Variants in FARS2 observed in about 807,000 individuals in gnomAD.
FARS2 encodes the protein phenylalanine--tRNA ligase, mitochondrial.
FARS2 carries 40 observed loss-of-function variants against 46.4 expected under a neutral mutation model. The ratio of observed to expected loss-of-function variants is 0.86; its 90% confidence interval spans 0.67 to 1.12. The LOEUF (loss-of-function observed/expected upper bound fraction) is 1.12. FARS2 is among the 50% of genes most tolerant of loss of function. FARS2 has a pLI of 0.00. For synonymous variants in FARS2, 234 were observed against 214.9 expected, an observed-to-expected ratio of 1.09 and a Z score of -0.78; for missense variants, 513 against 567.9, an observed-to-expected ratio of 0.90 and a Z score of 0.98.
rs190804005 is a variant in FARS2, at chr6:5,438,066, A to C, written c.904+6894A>C. Among the ~76,000 whole-genome samples, 349 of 152,040 alleles carry C rather than the reference A, an allele frequency of 2.3e-3. 1 individual carries two copies. Among genetic ancestry groups the C allele is most frequent in the African/African-American group, 7.9e-3 (327 of 41,502 alleles). Reference sequence around the variant, plus strand: ...ATGGATTTTTATTTTTTTTCTCAGCAACTTAAAGATGTTGATCCATTGTCT... The same window carrying C: ...ATGGATTTTTATTTTTTTTCTCAGCCACTTAAAGATGTTGATCCATTGTCT... On this transcript the variant is annotated intron_variant, in intron 4 of 6. Coordinates refer to ENST00000274680, the MANE Select transcript of FARS2 (RefSeq NM_006567.5).
At chr6:5,369,329 G>C in intron 2 of FARS2, 147 bp downstream of exon 2, 2 of 756,868 alleles carry the variant, frequency 2.6e-6, no homozygotes. Context: ...ATGACATCTT[G>C]TGTATAGGTG....
At chr6:5,561,137 A>G (rs1771956274) in intron 5 of FARS2, among the ~76,000 whole-genome samples, 1 of 152,194 alleles carries the variant, frequency 6.6e-6, no homozygotes, top group African/African-American at 2.4e-5. Context: ...TCTCAAAAAC[A>G]AAAACAAACA....
chr6:5,628,868 C>T (rs1160851772), intron 6 of FARS2, among the ~76,000 whole-genome samples: 1 of 152,170 alleles, frequency 6.6e-6, no homozygotes, highest in East Asian at 1.9e-4. Flanking sequence ...ACTGCCATCA[C>T]CTGAGATCAA....
chr6:5,322,574 T>C (rs766339245), intron 1 of FARS2, among the ~76,000 whole-genome samples: 1 of 152,314 alleles, frequency 6.6e-6, no homozygotes, highest in Middle Eastern at 3.4e-3. Context: ...TTTTCTTTTT[T>C]TGGTTTGTTT....
chr6:5,407,293 C>T (rs937491717), intron 3 of FARS2, among the ~76,000 whole-genome samples: 1 of 151,784 alleles, frequency 6.6e-6, no homozygotes, highest in African/African-American at 2.4e-5. Context: ...CTTGATTCAC[C>T]TCTATTTTTT....
chr6:5,512,456 G>A (rs1768516571), intron 4 of FARS2, among the ~76,000 whole-genome samples: 1 of 152,110 alleles, frequency 6.6e-6, no homozygotes, highest in African/African-American at 2.4e-5. Context: ...CATTGTTCAT[G>A]TTCCTGAAGG....
At position 5,663,398 on chromosome 6, in the gene FARS2, C is replaced by T. The variant is rs113691134; in HGVS notation, c.1217+50078C>T. ...TATCTGTTTGGATGGAATCATTTGC[C>T]GTAAAGATCTGGCATTATTCAAAGC... On this transcript the variant is annotated intron_variant, in intron 6 of 6. Coordinates refer to ENST00000274680, the MANE Select transcript of FARS2 (RefSeq NM_006567.5). 2.3e-3 allele frequency among the ~76,000 whole-genome samples: 354 copies of T among 152,272 alleles called. 2 individuals are homozygous for T. The highest frequency in any genetic ancestry group is 3.8e-3 in the Non-Finnish European group (256 of 68,026).
chr6:5,260,618 G>GC (rs1012013938), upstream of FARS2: 2 of 677,718 alleles, frequency 3.0e-6, no homozygotes, highest in South Asian at 2.2e-5. Flanking sequence ...CTGGCCCCCC[G>GC]CCCCCGGCCC....
At chr6:5,330,700 G>A (rs73367014) in intron 1 of FARS2, among the ~76,000 whole-genome samples, 122 of 152,224 alleles carry the variant, frequency 8.0e-4, no homozygotes, top group African/African-American at 2.8e-3. Context: ...AGATATATTC[G>A]TTCACTCTTC....
intron 1 of FARS2, among the ~76,000 whole-genome samples, chr6:5,269,195 G>T (rs1438687116): frequency 6.6e-6 from 1 of 152,154 alleles, no homozygotes; most frequent in Non-Finnish European, 1.5e-5. Flanking sequence ...GTAGGGACAT[G>T]GATGAAGCTG....
chr6:5,651,725 T>G (rs1705790968), intron 6 of FARS2, among the ~76,000 whole-genome samples: 2 of 152,196 alleles, frequency 1.3e-5, no homozygotes, highest in Admixed American at 6.5e-5. Flanking sequence ...TAAGCATGTG[T>G]GTATTAACGA....
chr6:5,645,316 T>C (rs958528998), intron 6 of FARS2, among the ~76,000 whole-genome samples: 4 of 152,232 alleles, frequency 2.6e-5, no homozygotes, highest in Non-Finnish European at 5.9e-5. Context: ...TCTGGGCCAG[T>C]GCGTCTGTTG....
chr6:5,370,946 T>G (rs1390812416), intron 2 of FARS2, among the ~76,000 whole-genome samples: 1 of 152,204 alleles, frequency 6.6e-6, no homozygotes, highest in East Asian at 1.9e-4. Flanking sequence ...CTCCTCTTAA[T>G]AAAAACCTCG....
chr6:5,358,844 A>G (rs1290693989), intron 1 of FARS2, among the ~76,000 whole-genome samples: 2 of 151,980 alleles, frequency 1.3e-5, no homozygotes, highest in Non-Finnish European at 2.9e-5. Context: ...CTAAAAAAAA[A>G]CTTCTAAAAG....
At chr6:5,672,605 G>A (rs1212229916) in intron 6 of FARS2, among the ~76,000 whole-genome samples, 1 of 152,182 alleles carries the variant, frequency 6.6e-6, no homozygotes, top group African/African-American at 2.4e-5. Flanking sequence ...TTTAGTTGAG[G>A]CTATAAAAAT....
chr6:5,673,846 C>T (rs1278043520), intron 6 of FARS2, among the ~76,000 whole-genome samples: 1 of 152,076 alleles, frequency 6.6e-6, no homozygotes, highest in Non-Finnish European at 1.5e-5. Context: ...TATGAATATA[C>T]ATATAAATAT....
intron 6 of FARS2, among the ~76,000 whole-genome samples, chr6:5,714,381 T>C (rs1430954988): frequency 6.6e-6 from 1 of 152,108 alleles, no homozygotes; most frequent in African/African-American, 2.4e-5. Flanking sequence ...ATCCATGGGA[T>C]TTATTATCCT....
intron 1 of FARS2, among the ~76,000 whole-genome samples, chr6:5,287,065 C>T (rs1767172036): frequency 1.3e-5 from 2 of 152,386 alleles, no homozygotes; most frequent in African/African-American, 4.8e-5. Flanking sequence ...TGCCTGTTAG[C>T]TCCAGCTTTA....
At chr6:5,432,527 A>T (rs372116958) in intron 4 of FARS2, among the ~76,000 whole-genome samples, 12 of 49,394 alleles carry the variant, frequency 2.4e-4, no homozygotes, top group Non-Finnish European at 4.1e-4. Context: ...ATATATATAT[A>T]TTTTTTTTTT....
Sources: gnomAD v4.1 joint callset for allele counts (sites outside exome capture counted in the v4.1 genomes callset) on GRCh38, gnomAD v4.1.1 for gene constraint, MANE v1.5 for transcripts, NCBI Gene and HGNC (gene_info 2026-07-23, HGNC 2026-07-21) for gene names.